GLIS3: variants seen among roughly 807,000 people sequenced by gnomAD.
GLIS3 encodes the protein zinc finger protein GLIS3.
GLIS3 carries 53 observed loss-of-function variants against 78.6 expected under a neutral mutation model. The ratio of observed to expected loss-of-function variants is 0.67; its 90% confidence interval spans 0.54 to 0.85. GLIS3 has a LOEUF of 0.85. Ranked by LOEUF, GLIS3 falls within the 40% of genes least tolerant of loss-of-function variation. The probability of loss-of-function intolerance (pLI) is 0.00; values close to 1 mark genes in which losing one functional copy is unlikely to be tolerated. For missense variants in GLIS3, 1,703 were observed against 1,231.1 expected (o/e 1.38, Z -5.74); for synonymous variants, 684 against 509.9 (o/e 1.34, Z -4.60).
chr9:3,937,350 T>C, intron 4 of GLIS3, among the ~76,000 whole-genome samples, 161 bp from the exon 5 acceptor site: 1 of 152,150 alleles, frequency 6.6e-6, no homozygotes, highest in East Asian at 1.9e-4. Flanking sequence ...AATATCCGAA[T>C]ATTTATGTGA....
chr9:4,226,605 G>C (rs184505482), intron 2 of GLIS3, among the ~76,000 whole-genome samples: 130 of 152,282 alleles, frequency 8.5e-4, no homozygotes, highest in African/African-American at 3.0e-3. Context: ...GCTTCCTTCT[G>C]AAGTAGAACT....
At chr9:4,191,535 C>G (rs1818332191) in intron 2 of GLIS3, among the ~76,000 whole-genome samples, 5 of 152,170 alleles carry the variant, frequency 3.3e-5, no homozygotes, top group Admixed American at 2.6e-4. Context: ...CCAAGAAAGA[C>G]CTAGATCTCT....
chr9:4,182,309 C>T (rs760477322), intron 2 of GLIS3, among the ~76,000 whole-genome samples: 14 of 152,172 alleles, frequency 9.2e-5, no homozygotes, highest in Non-Finnish European at 1.5e-4. Context: ...AGTTCTGCCA[C>T]AGTCCTCATC....
the GLIS3 span, among the ~76,000 whole-genome samples, chr9:4,429,633 G>T: frequency 6.6e-6 from 1 of 152,098 alleles, no homozygotes; most frequent in Non-Finnish European, 1.5e-5. Context: ...ATGACTATTT[G>T]ATTAGTTCTG....
At chr9:4,082,432 T>C (rs1588627649) in intron 4 of GLIS3, among the ~76,000 whole-genome samples, 1 of 152,332 alleles carries the variant, frequency 6.6e-6, no homozygotes, top group East Asian at 1.9e-4. Context: ...GTCCTAAACA[T>C]TACATCTTCA....
the GLIS3 span, among the ~76,000 whole-genome samples, chr9:4,477,956 T>C: frequency 3.3e-5 from 5 of 152,244 alleles, no homozygotes; most frequent in Non-Finnish European, 7.3e-5. Flanking sequence ...TACATATTTC[T>C]AAGCCTTGTC....
At chr9:4,054,574 G>C in intron 4 of GLIS3, 1 of 731,816 alleles carries the variant, frequency 1.4e-6, no homozygotes, top group Non-Finnish European at 1.7e-6. Context: ...AGTCACACCA[G>C]TCACAAAGCT....
chr9:4,307,548 CA>C (rs140891244), intron 4 of GLIS3, among the ~76,000 whole-genome samples: 1 of 151,090 alleles, frequency 6.6e-6, no homozygotes, highest in African/African-American at 2.4e-5. Flanking sequence ...TGCATCCCAA[CA>C]AAAAAAAATC....
At chr9:4,380,919 A>T in the GLIS3 span, among the ~76,000 whole-genome samples, 1 of 152,176 alleles carries the variant, frequency 6.6e-6, no homozygotes, top group African/African-American at 2.4e-5. Flanking sequence ...TAGTGAAAAC[A>T]ATGGAGGAAA....
intron 4 of GLIS3, among the ~76,000 whole-genome samples, chr9:3,989,778 T>C (rs1820071906): frequency 6.6e-6 from 1 of 152,202 alleles, no homozygotes; most frequent in African/African-American, 2.4e-5. Context: ...ATAGGATAGA[T>C]ATTAGTGGTG....
intron 2 of GLIS3, among the ~76,000 whole-genome samples, chr9:4,245,678 G>C (rs1031980855): frequency 6.6e-6 from 1 of 152,200 alleles, no homozygotes. Flanking sequence ...AATTTTCAAT[G>C]TTTGAGGTGA....
intron 4 of GLIS3, among the ~76,000 whole-genome samples, chr9:3,990,313 C>A (rs1053767591): frequency 1.1e-4 from 17 of 152,254 alleles, no homozygotes; most frequent in African/African-American, 4.1e-4. Context: ...AAGGGAGATG[C>A]TAGCAAACAT....
At chr9:4,216,473 C>G (rs1820851720) in intron 2 of GLIS3, among the ~76,000 whole-genome samples, 1 of 126,990 alleles carries the variant, frequency 7.9e-6, no homozygotes, top group African/African-American at 3.1e-5. Flanking sequence ...GAGCGAGACT[C>G]TGTCTCAAAA....
At chr9:4,143,530 G>C (rs147981707) in intron 2 of GLIS3, among the ~76,000 whole-genome samples, 1 of 151,476 alleles carries the variant, frequency 6.6e-6, no homozygotes, top group Non-Finnish European at 1.5e-5. Context: ...TTGCACCACT[G>C]CACTCCAGCC....
the GLIS3 span, among the ~76,000 whole-genome samples, chr9:4,449,471 T>C: frequency 6.6e-6 from 1 of 152,308 alleles, no homozygotes; most frequent in African/African-American, 2.4e-5. Context: ...GAGCAGTGGT[T>C]CTACCAGCAT....
chr9:3,868,754 G>T (rs74734342), intron 8 of GLIS3, among the ~76,000 whole-genome samples: 2 of 151,460 alleles, frequency 1.3e-5, no homozygotes, highest in African/African-American at 4.9e-5. Context: ...TGGCTGATAA[G>T]GTTACTCCCT....
rs184855364 is a variant in GLIS3 at position 4,051,299 on chromosome 9, G to C, written c.1710+66469C>G. On this transcript the variant is annotated intron_variant, in intron 4 of 10. Coordinates refer to ENST00000381971, the MANE Select transcript of GLIS3 (RefSeq NM_001042413.2). Reference sequence around the variant, plus strand: ...AAAAGTATCTGAAGGAAAAAGAAAGGTGTGTGTGGCAGGGGCGGGGATAGG... The same window carrying C: ...AAAAGTATCTGAAGGAAAAAGAAAGCTGTGTGTGGCAGGGGCGGGGATAGG... Among the ~76,000 whole-genome samples the C allele has an allele frequency of 9.2e-5, 14 of 152,306 alleles. No individual in the cohort carries two copies. In the East Asian group the frequency reaches 2.7e-3, roughly 29 times the overall value.
chr9:4,017,015 G>A (rs1307602353), intron 4 of GLIS3, among the ~76,000 whole-genome samples: 2 of 152,100 alleles, frequency 1.3e-5, no homozygotes, highest in Admixed American at 6.5e-5. Context: ...CCATTCAATC[G>A]GCCATCATGT....
chr9:4,339,312 G>A (rs1315082766), intron 2 of GLIS3, among the ~76,000 whole-genome samples: 1 of 152,176 alleles, frequency 6.6e-6, no homozygotes, highest in Admixed American at 6.5e-5. Flanking sequence ...GTTATTTGGA[G>A]AAAATGTTTC....
Sources: allele counts gnomAD v4.1 joint callset (sites outside exome capture counted in the v4.1 genomes callset), GRCh38; gene constraint gnomAD v4.1.1; transcripts MANE v1.5; gene names NCBI Gene and HGNC (gene_info 2026-07-23, HGNC 2026-07-21).